The following GLB1L3 variants were observed in gnomAD, a reference collection of about 807,000 sequenced individuals.
GLB1L3 encodes the protein beta-galactosidase-1-like protein 3.
A neutral mutation model predicts 89.5 loss-of-function variants in GLB1L3; 89 were observed. That is an observed-to-expected ratio of 0.99 (90% CI 0.84 to 1.19). The LOEUF (loss-of-function observed/expected upper bound fraction) is 1.19. Ranked by LOEUF, GLB1L3 falls within the 50% of genes most tolerant of loss-of-function variation. The pLI is 0.00. For missense variants in GLB1L3, 812 were observed against 813.3 expected (o/e 1.00, Z 0.02); for synonymous variants, 314 against 312.3 (o/e 1.01, Z -0.06).
At chr11:134,300,373 C>T (rs1941876092) in intron 9 of GLB1L3, among the ~76,000 whole-genome samples, 1 of 150,280 alleles carries the variant, frequency 6.7e-6, no homozygotes, top group Non-Finnish European at 1.5e-5. Context: ...TGCTCTGTCG[C>T]CCAGGCTAGA....
intron 8 of GLB1L3, chr11:134,292,754 CG>C: frequency 3.0e-6 from 1 of 338,856 alleles, no homozygotes. Context: ...AGCAGGGGAG[CG>C]GGGCGAGCTG....
chr11:134,314,170 G>A, intron 17 of GLB1L3, 142 bp downstream of exon 17: 1 of 740,704 alleles, frequency 1.4e-6, no homozygotes, highest in Non-Finnish European at 2.3e-6. Context: ...TCAGAACTAG[G>A]GCCCTGGAAC....
At chr11:134,293,252 C>G in intron 9 of GLB1L3, 43 bp downstream of exon 9, 1 of 1,469,416 alleles carries the variant, frequency 6.8e-7, no homozygotes, top group South Asian at 1.1e-5. Context: ...CTCCTCCTAC[C>G]ATGACCTCCC....
chr11:134,312,578 G>A, intron 14 of GLB1L3, 89 bp downstream of exon 14: 4 of 1,484,294 alleles, frequency 2.7e-6, no homozygotes, highest in Non-Finnish European at 3.6e-6. Flanking sequence ...GATGCACGTT[G>A]CTGTTTGGTG....
chr11:134,293,225 C>G lies in GLB1L3; in HGVS notation c.876+16C>G. ...TAAAGTCCAGGTAAGACATTTCAGA[C>G]AGGCAGGGTTTTACAGCTCCTCCTA... On this transcript the variant is annotated intron_variant, in intron 9 of 19. Coordinates refer to ENST00000431683, the MANE Select transcript of GLB1L3 (RefSeq NM_001080407.3). The G allele has an allele frequency of 6.2e-7, 1 of 1,608,148 alleles. No individual in the cohort carries two copies. Among genetic ancestry groups the G allele is most frequent in the East Asian group, 2.2e-5 (1 of 44,820 alleles).
At position 134,278,019 on chromosome 11, in the gene GLB1L3, G is replaced by T. The variant is rs1305060739; in HGVS notation, c.362+107G>T. On this transcript the variant is annotated intron_variant, in intron 3 of 19. Coordinates refer to ENST00000431683, the MANE Select transcript of GLB1L3 (RefSeq NM_001080407.3). ...GGCCCAGCGTGAGGACTTACCTTCC[G>T]CACAGTCGTTTCCAGCACATACATT... 5 of 1,004,722 alleles carry T rather than the reference G, an allele frequency of 5.0e-6. No individual in the cohort carries two copies. In the East Asian group the frequency reaches 1.3e-4, roughly 26 times the overall value. 62.2% of individuals were successfully genotyped at this position (1,004,722 alleles called of 1,614,324 possible). A position where few individuals can be genotyped will look rare whatever the true frequency, so the allele number is the denominator to read the frequency against.
In GLB1L3 at chr11:134,276,699, G is replaced by C; in HGVS notation, c.-42G>C. On this transcript the variant is annotated 5_prime_UTR_variant, in exon 1 of 20. Coordinates refer to ENST00000431683, the MANE Select transcript of GLB1L3 (RefSeq NM_001080407.3). ...GCGGCGTCGGGGCCAGCGGAGAGGGGCGGAAGCCGCAAGGGACCCTCGGCG... is the reference window on the plus strand; with the variant it reads ...GCGGCGTCGGGGCCAGCGGAGAGGGCCGGAAGCCGCAAGGGACCCTCGGCG... 4 of 1,423,320 alleles carry C rather than the reference G, an allele frequency of 2.8e-6. No individual in the cohort carries two copies. The South Asian group carries it at 5.7e-5, about 20-fold the overall frequency. The allele number at this position is 1,423,320 out of a possible 1,614,324, so 88.2% of individuals were successfully genotyped here. A position where few individuals can be genotyped will look rare whatever the true frequency, so the allele number is the denominator to read the frequency against.
rs952920026 is a variant in GLB1L3 at position 134,298,412 on chromosome 11, C to G, written c.876+5203C>G. ...CCTTATGAACATGGAAGCAAAAATT[C>G]TCAACAAAGGATGAGCAAATTGAAT... On this transcript the variant is annotated intron_variant, in intron 9 of 19. Transcript: ENST00000431683. Among the ~76,000 whole-genome samples the G allele has an allele frequency of 5.3e-5, 8 of 152,086 alleles. No individual in the cohort carries two copies. The East Asian group carries it at 1.5e-3, about 29-fold the overall frequency.
chr11:134,292,784 C>T (rs866102675), intron 8 of GLB1L3: 19 of 384,074 alleles, frequency 4.9e-5, no homozygotes, highest in Middle Eastern at 7.3e-4. Flanking sequence ...GGCTGCCGTT[C>T]TGCCTCCTTA....
rs146951382 is a variant in GLB1L3, at chr11:134,307,726, C to G, written c.961+518C>G. 1.3e-3 allele frequency among the ~76,000 whole-genome samples: 197 copies of G among 152,298 alleles called. 1 individual carries two copies. The highest frequency in any genetic ancestry group is 4.5e-3 in the African/African-American group (189 of 41,564). On this transcript the variant is annotated intron_variant, in intron 10 of 19. Transcript: ENST00000431683. ...AGCCAAAGAGATCAGGTTTTAATCT[C>G]AGCTCTGCAGCGCTAGCCATGCGCT...
chr11:134,288,972 T>G (rs997886075), intron 7 of GLB1L3, 82 bp downstream of exon 7: 19 of 970,802 alleles, frequency 2.0e-5, no homozygotes, highest in Non-Finnish European at 2.8e-5. Context: ...GCATGAGTGA[T>G]CGGGCTGGAC....
At chr11:134,281,321 A>T (rs1940672049) in intron 3 of GLB1L3, 56 bp from the exon 4 acceptor site, 1 of 1,607,010 alleles carries the variant, frequency 6.2e-7, no homozygotes, top group Admixed American at 1.7e-5. Context: ...CAGACCTAAC[A>T]ATTTGGAGGA....
At chr11:134,287,048 C>G (rs1941046173) in intron 6 of GLB1L3, 1 of 151,646 alleles carries the variant, frequency 6.6e-6, no homozygotes, top group South Asian at 2.1e-4. Context: ...GTAGTCCCAG[C>G]TACTCGGGAG....
upstream of GLB1L3, chr11:134,275,851 T>C (rs962586774): frequency 6.6e-6 from 1 of 152,286 alleles, no homozygotes; most frequent in African/African-American, 2.4e-5. Flanking sequence ...ACCTCGCAAG[T>C]CTTCCCGGAA....
At chr11:134,307,039 T>G in intron 9 of GLB1L3, 85 bp from the exon 10 acceptor site, 2 of 877,620 alleles carry the variant, frequency 2.3e-6, no homozygotes, top group East Asian at 2.6e-5. Flanking sequence ...ATGAGTTCCT[T>G]AGTTCCCATC....
At chr11:134,319,714 C>G (rs1235443533), downstream of GLB1L3, 3 of 139,698 alleles carry the variant, frequency 2.1e-5, no homozygotes, top group African/African-American at 8.6e-5. Flanking sequence ...CTCTCTCTCT[C>G]TCTCTGTGTA....
In GLB1L3 at chr11:134,276,518, G is replaced by T. The variant is rs900296222; in HGVS notation, c.-223G>T. 12 of 386,392 alleles carry T rather than the reference G, an allele frequency of 3.1e-5. No individual in the cohort carries two copies. The Middle Eastern group carries it at 2.0e-3, about 65-fold the overall frequency. The allele number at this position is 386,392 out of a possible 1,614,324, so 23.9% of individuals were successfully genotyped here. ...CTGCGGGAACACCTGGAGCGCCGGC[G>T]GAGCTCGGCTGTCCCCGCGGGAGGG... On this transcript the variant is annotated 5_prime_UTR_variant, in exon 1 of 20. Transcript: ENST00000431683.
At chr11:134,289,091 C>T (rs1220049564) in intron 7 of GLB1L3, 1 of 495,468 alleles carries the variant, frequency 2.0e-6, no homozygotes. Flanking sequence ...AAAATTTAGT[C>T]ACTAATAGTC....
chr11:134,276,769 G>A lies in GLB1L3; in HGVS notation c.23+6G>A, dbSNP rs1455496811. 9 of 1,443,196 alleles carry A rather than the reference G, an allele frequency of 6.2e-6. No individual in the cohort carries two copies. The highest frequency in any genetic ancestry group is 8.2e-6 in the Non-Finnish European group (9 of 1,099,034). The allele number at this position is 1,443,196 out of a possible 1,614,324, so 89.4% of individuals were successfully genotyped here. A position where few individuals can be genotyped will look rare whatever the true frequency, so the allele number is the denominator to read the frequency against. On this transcript the variant is annotated splice_donor_region_variant and intron_variant, in intron 1 of 19. Coordinates refer to ENST00000431683, the MANE Select transcript of GLB1L3 (RefSeq NM_001080407.3). ...AAGTCCCCGCCCCTCCTCAGGTGAC[G>A]GATCGCCGCTGCCGTCCCGGGCTGC...
Sources: gnomAD v4.1 joint callset for allele counts (sites outside exome capture counted in the v4.1 genomes callset) on GRCh38, gnomAD v4.1.1 for gene constraint, MANE v1.5 for transcripts, NCBI Gene and HGNC (gene_info 2026-07-23, HGNC 2026-07-21) for gene names.